Variants in STAT6 observed in about 807,000 individuals in gnomAD.
The protein encoded by STAT6 is signal transducer and activator of transcription 6, also known as STAT, interleukin4-induced.
Under a neutral mutation model 106.3 loss-of-function variants are expected in STAT6, and 45 were observed. That is an observed-to-expected ratio of 0.42 (90% CI 0.33 to 0.54). The LOEUF is 0.54. Among genes scored for constraint, STAT6 ranks in the 20% least tolerant of loss-of-function variants. The probability of loss-of-function intolerance (pLI) is 0.06; values close to 1 mark genes in which losing one functional copy is unlikely to be tolerated. For missense variants in STAT6, 797 were observed against 1,062.2 expected, an observed-to-expected ratio of 0.75 and a Z score of 3.47; for synonymous variants, 413 against 413.6, an observed-to-expected ratio of 1.00 and a Z score of 0.02.
Position 57,096,985 on chromosome 12 carries a change from G to C in STAT6, c.2226-7C>G. 6.2e-7 allele frequency: 1 copy of C among 1,612,724 alleles called. No homozygotes were observed. On this transcript the variant is annotated splice_region_variant and splice_polypyrimidine_tract_variant and intron_variant, in intron 20 of 21. Transcript: ENST00000300134. ...CTGGCACGGCAGCAGGCCCCTGCCA[G>C]GAACCAGCAATGGAAATAAGGAGAG...
Position 57,096,940 on chromosome 12 carries a change from G to A in STAT6, c.2264C>T (p.Ser755Phe). 6.2e-7 allele frequency: 1 copy of A among 1,614,126 alleles called. No homozygotes were observed. Among genetic ancestry groups the A allele is most frequent in the Non-Finnish European group, 8.5e-7 (1 of 1,180,014 alleles). ...LPCQPQEHAVSSPDPLLCSDV... is the reference protein window; with the variant it reads ...LPCQPQEHAVFSPDPLLCSDV... Reference sequence around the variant, plus strand: ...TGAGCAGAGCAGGGGGTCAGGGCTGGACACAGCATGCTCCTGAGGCTGGCA... The same window carrying A: ...TGAGCAGAGCAGGGGGTCAGGGCTGAACACAGCATGCTCCTGAGGCTGGCA... Residue 755 changes from serine (S) to phenylalanine (F), a missense_variant, in exon 21 of 22, where the codon TCC becomes TTC. Physicochemically the swap from Ser to Phe is radical, Grantham distance 155. Transcript: ENST00000300134.
intron 7 of STAT6, 169 bp downstream of exon 7, chr12:57,106,022 A>G: frequency 1.7e-6 from 2 of 1,159,848 alleles, no homozygotes; most frequent in Non-Finnish European, 2.4e-6. Flanking sequence ...CTTGTACAGG[A>G]TGCGACCTGA....
intron 13 of STAT6, 152 bp downstream of exon 13, chr12:57,102,138 T>C: frequency 2.4e-6 from 2 of 835,566 alleles, no homozygotes; most frequent in Non-Finnish European, 3.8e-6. Flanking sequence ...CTGGGGTTTT[T>C]CCTCCCTGGT....
At chr12:57,107,852 C>G in intron 2 of STAT6, 109 bp from the exon 3 acceptor site, 2 of 1,436,144 alleles carry the variant, frequency 1.4e-6, no homozygotes, top group Non-Finnish European at 1.9e-6. Flanking sequence ...TCCTTATTCT[C>G]CATCTAGGCC....
chr12:57,108,926 C>T (rs990773035), intron 1 of STAT6, among the ~76,000 whole-genome samples: 7 of 152,152 alleles, frequency 4.6e-5, no homozygotes, highest in African/African-American at 1.7e-4. Flanking sequence ...CGGCCAGGCG[C>T]AGTGGCTCAT....
In STAT6 at chr12:57,099,910, G is replaced by A. The variant is rs371916634; in HGVS notation, c.1608-7C>T. The A allele has an allele frequency of 2.1e-5, 34 of 1,614,092 alleles. No homozygotes were observed. The highest frequency in any genetic ancestry group is 1.2e-4 in the African/African-American group (9 of 74,924). On this transcript the variant is annotated splice_region_variant and splice_polypyrimidine_tract_variant and intron_variant, in intron 14 of 21. Coordinates refer to ENST00000300134, the MANE Select transcript of STAT6 (RefSeq NM_003153.5). This position sits in a 1 kb window ranked among gnomAD's most constrained non-coding sequence, Gnocchi z 4.7. ...GATGAAGCCAATGATCAGCCTGGCC[G>A]GGATGAAGGAGAGGATGGGGCATGG...
At position 57,105,150 on chromosome 12, in the gene STAT6, C is replaced by A; in HGVS notation, c.1001+1G>T. 1.9e-6 allele frequency: 3 copies of A among 1,607,718 alleles called. No homozygotes were observed. Among genetic ancestry groups the A allele is most frequent in the Non-Finnish European group, 2.6e-6 (3 of 1,176,268 alleles). Reference sequence around the variant, plus strand: ...CAACCCCAGGTCCAATCCCAGCTTACGCTCCAGCCCCAGGACCCTGAGGCA... The same window carrying A: ...CAACCCCAGGTCCAATCCCAGCTTAAGCTCCAGCCCCAGGACCCTGAGGCA... On this transcript the variant is annotated splice_donor_variant, in intron 9 of 21. Coordinates refer to ENST00000300134, the MANE Select transcript of STAT6 (RefSeq NM_003153.5). LOFTEE classifies it high-confidence loss of function.
chr12:57,104,909 C>T (rs2034178254), intron 9 of STAT6, 96 bp from the exon 10 acceptor site: 2 of 1,418,546 alleles, frequency 1.4e-6, no homozygotes, highest in Middle Eastern at 1.8e-4. Flanking sequence ...GTCACCAGCC[C>T]TAAATCTCCA....
chr12:57,099,186 A>G lies in STAT6; in HGVS notation c.1891+108T>C. The G allele has an allele frequency of 6.3e-7, 1 of 1,595,710 alleles. No individual in the cohort carries two copies. Among genetic ancestry groups the G allele is most frequent in the South Asian group, 1.1e-5 (1 of 90,596 alleles). On this transcript the variant is annotated intron_variant, in intron 16 of 21. Transcript: ENST00000300134. This position sits in a 1 kb window ranked among gnomAD's most constrained non-coding sequence, Gnocchi z 4.7. Reference sequence around the variant, plus strand: ...GGGAAGTAAGAGAAGCACAGCTATGAAATAGGGAGTGACATCAGGATGACA... The same window carrying G: ...GGGAAGTAAGAGAAGCACAGCTATGGAATAGGGAGTGACATCAGGATGACA...
Position 57,098,847 on chromosome 12 carries a change from C to A in STAT6, c.2011G>T (p.Asp671Tyr). 1 of 1,613,390 alleles carries A rather than the reference C, an allele frequency of 6.2e-7. No individual in the cohort carries two copies. The highest frequency in any genetic ancestry group is 1.1e-5 in the South Asian group (1 of 91,022). ...LQMPTMVPSYDLGMAPDSSMS... is the reference protein window; with the variant it reads ...LQMPTMVPSYYLGMAPDSSMS... Reference sequence around the variant, plus strand: ...GAGGAATCAGGGGCCATTCCAAGGTCATAAGAAGGCACCATGGTAGGCATC... The same window carrying A: ...GAGGAATCAGGGGCCATTCCAAGGTAATAAGAAGGCACCATGGTAGGCATC... Residue 671 changes from aspartate to tyrosine, a missense_variant, in exon 18 of 22, where the codon GAC (aspartate) becomes TAC (tyrosine). Coordinates refer to ENST00000300134, the MANE Select transcript of STAT6 (RefSeq NM_003153.5).
intron 2 of STAT6, 55 bp from the exon 3 acceptor site, chr12:57,107,798 G>T: frequency 6.2e-7 from 1 of 1,607,788 alleles, no homozygotes. Flanking sequence ...CAGCTCTCCT[G>T]ACCCTTTACC....
Position 57,099,468 on chromosome 12 carries a change from C to T in STAT6, c.1745-28G>A, listed in dbSNP as rs1000113180. On this transcript the variant is annotated intron_variant, in intron 15 of 21. Transcript: ENST00000300134. This position sits in a 1 kb window ranked among gnomAD's most constrained non-coding sequence, Gnocchi z 4.7. ...ATGGTAGGAAGGAGACCCTGAGATC[C>T]CTCTGTCCGGACTTTCTTCCCCTTC... The T allele has an allele frequency of 3.1e-6, 5 of 1,613,770 alleles. No individual in the cohort carries two copies. Among genetic ancestry groups the T allele is most frequent in the South Asian group, 1.1e-5 (1 of 91,072 alleles).
chr12:57,104,646 G>A, intron 10 of STAT6, 60 bp from the exon 11 acceptor site: 1 of 1,612,598 alleles, frequency 6.2e-7, no homozygotes, highest in Non-Finnish European at 8.5e-7. Context: ...CGCTCCTCCT[G>A]GGCTTCCTGA....
In STAT6 at chr12:57,099,214, C is replaced by T. The variant is rs1047446036; in HGVS notation, c.1891+80G>A. The stretch of plus-strand genomic sequence containing the variant: ...TAGGGAGTGACATCAGGATGACACG[C>T]GGGCAGGGAGAGGAGGGCAGCGGGG... On this transcript the variant is annotated intron_variant, in intron 16 of 21. Coordinates refer to ENST00000300134, the MANE Select transcript of STAT6 (RefSeq NM_003153.5). The surrounding 1 kb of genome is among the most constrained non-coding windows in gnomAD (Gnocchi z 4.7). 1.8e-5 allele frequency: 29 copies of T among 1,600,018 alleles called. No homozygotes were observed. The highest frequency in any genetic ancestry group is 1.7e-4 in the Middle Eastern group (1 of 5,900).
Position 57,096,431 on chromosome 12 carries a change from T to G in STAT6, c.*141A>C. On this transcript the variant is annotated 3_prime_UTR_variant, in exon 22 of 22. Coordinates refer to ENST00000300134, the MANE Select transcript of STAT6 (RefSeq NM_003153.5). ...CCCACTGTGCATTCTCCTGTTAGTC[T>G]TTTCCTCCTGACCCAGGAGTAGGTG... The G allele has an allele frequency of 1.3e-6, 1 of 768,962 alleles. No homozygotes were observed. Among genetic ancestry groups the G allele is most frequent in the East Asian group, 2.7e-5 (1 of 36,632 alleles). 47.6% of individuals were successfully genotyped at this position (768,962 alleles called of 1,614,324 possible).
At chr12:57,110,805 G>T (rs1051728009) in intron 1 of STAT6, among the ~76,000 whole-genome samples, 1 of 152,108 alleles carries the variant, frequency 6.6e-6, no homozygotes. Flanking sequence ...ACCTTCCAGG[G>T]AGGGGCGGCC....
chr12:57,105,023 G>C, intron 9 of STAT6, 128 bp downstream of exon 9: 1 of 1,302,752 alleles, frequency 7.7e-7, no homozygotes, highest in Non-Finnish European at 1.0e-6. Context: ...CCTCTGCCTT[G>C]ACCATTCAGG....
chr12:57,096,989 C>G lies in STAT6; in HGVS notation c.2226-11G>C, dbSNP rs549685338. 36 of 1,612,350 alleles carry G rather than the reference C, an allele frequency of 2.2e-5. No homozygotes were observed. The South Asian group carries it at 3.5e-4, about 16-fold the overall frequency. ...CACGGCAGCAGGCCCCTGCCAGGAA[C>G]CAGCAATGGAAATAAGGAGAGCGGG... On this transcript the variant is annotated splice_polypyrimidine_tract_variant and intron_variant, in intron 20 of 21. Coordinates refer to ENST00000300134, the MANE Select transcript of STAT6 (RefSeq NM_003153.5).
chr12:57,107,539 G>T (rs1201969161), intron 3 of STAT6, 66 bp downstream of exon 3: 1 of 1,558,012 alleles, frequency 6.4e-7, no homozygotes, highest in Non-Finnish European at 8.7e-7. Flanking sequence ...TTTCTTCCAG[G>T]GCCCAATGCT....
Sources: gnomAD v4.1 joint callset for allele counts (sites outside exome capture counted in the v4.1 genomes callset) on GRCh38, gnomAD v4.1.1 for gene constraint, Gnocchi (gnomAD v3.1) non-coding constraint, MANE v1.5 for transcripts, NCBI Gene and HGNC (gene_info 2026-07-23, HGNC 2026-07-21) for gene names.